LUM: variants seen among roughly 807,000 people sequenced by gnomAD.
LUM encodes the protein KSPG lumican.
Under a neutral mutation model 20.5 loss-of-function variants are expected in LUM, and 13 were observed. That is an observed-to-expected ratio of 0.63 (90% confidence interval 0.41 to 1.01). The LOEUF is 1.01. LUM is among the 50% of genes least tolerant of loss of function. The probability of loss-of-function intolerance (pLI) is 0.00; values close to 1 mark genes in which losing one functional copy is unlikely to be tolerated. For synonymous variants in LUM, 173 were observed against 151.5 expected (o/e 1.14, Z -1.04); for missense variants, 321 against 391.1 (o/e 0.82, Z 1.51).
At chr12:91,107,628 T>C (rs1460603808) in intron 2 of LUM, among the ~76,000 whole-genome samples, 3 of 152,234 alleles carry the variant, frequency 2.0e-5, no homozygotes, top group African/African-American at 7.2e-5. Flanking sequence ...TAATTGTTCC[T>C]TATCTGGATA....
chr12:91,105,374 T>C (rs1880007687), intron 2 of LUM, among the ~76,000 whole-genome samples: 1 of 152,036 alleles, frequency 6.6e-6, no homozygotes, highest in African/African-American at 2.4e-5. Context: ...TAGTACATAG[T>C]ATGTCCTAAA....
Position 91,104,180 on chromosome 12 carries a change from T to G in LUM, c.1002A>C (p.Glu334Asp). 6.2e-7 allele frequency: 1 copy of G among 1,612,246 alleles called. No homozygotes were observed. The highest frequency in any genetic ancestry group is 8.5e-7 in the Non-Finnish European group (1 of 1,178,772). ...GATACAGATATTAATTAAGAGTGACTTCGTTAGCAACACGTAGACATTCAT... is the reference window on the plus strand; with the variant it reads ...GATACAGATATTAATTAAGAGTGACGTCGTTAGCAACACGTAGACATTCAT... ...DMYECLRVAN[E>D]VTLN Residue 334 changes from glutamate to aspartate, a missense_variant, in exon 3 of 3, where the codon GAA becomes GAC. Coordinates refer to ENST00000266718, the MANE Select transcript of LUM (RefSeq NM_002345.4).
At chr12:91,106,278 T>C (rs754885110) in intron 2 of LUM, among the ~76,000 whole-genome samples, 3 of 152,228 alleles carry the variant, frequency 2.0e-5, no homozygotes, top group Non-Finnish European at 2.9e-5. Context: ...TTATTCAGCA[T>C]GGCCAGAAAA....
Position 91,104,082 on chromosome 12 carries a change from ATAAACAG to A in LUM, c.*76_*82del, listed in dbSNP as rs1879973525. 9.0e-7 allele frequency: 1 copy of A among 1,106,292 alleles called. No individual in the cohort carries two copies. Among genetic ancestry groups the A allele is most frequent in the African/African-American group, 1.6e-5 (1 of 63,726 alleles). The allele number at this position is 1,106,292 out of a possible 1,614,324, so 68.5% of individuals were successfully genotyped here. ...TCAGATTTTAAAATTCATGGAAGTA[ATAAACAG>A]TAATAAAATATGGATACTATGAAAA... On this transcript the variant is annotated 3_prime_UTR_variant, in exon 3 of 3. Coordinates refer to ENST00000266718, the MANE Select transcript of LUM (RefSeq NM_002345.4).
rs576247686 is a variant in LUM at position 91,111,411 on chromosome 12, C to T, written c.-35G>A. 2.6e-5 allele frequency: 4 copies of T among 152,196 alleles called. No individual in the cohort carries two copies. The South Asian group carries it at 8.3e-4, about 32-fold the overall frequency. The allele number at this position is 152,196 out of a possible 1,614,324, so 9.4% of individuals were successfully genotyped here. ...AACAGCACTTACCTTACTGTCTTGA[C>T]ACTGCTTTCGTTAATTCTTAAAGCA... On this transcript the variant is annotated 5_prime_UTR_variant, in exon 1 of 3. Transcript: ENST00000266718.
At chr12:91,105,858 A>G (rs1880018695) in intron 2 of LUM, among the ~76,000 whole-genome samples, 1 of 152,244 alleles carries the variant, frequency 6.6e-6, no homozygotes, top group East Asian at 1.9e-4. Context: ...AGAAAGAAGT[A>G]GCCCTGCTCT....
At chr12:91,105,639 C>T (rs1389855126) in intron 2 of LUM, among the ~76,000 whole-genome samples, 1 of 152,030 alleles carries the variant, frequency 6.6e-6, no homozygotes, top group Non-Finnish European at 1.5e-5. Context: ...AAGGAGAATA[C>T]CTGACTAAAT....
rs1005834830 is a variant in LUM, at chr12:91,103,904, C to T, written c.*261G>A. ...CATGCAACCAGTAAAAGGTTTTGCA[C>T]ATCATTTGACAGTAGAAATAAAAAA... On this transcript the variant is annotated 3_prime_UTR_variant, in exon 3 of 3. Transcript: ENST00000266718. 2 of 286,354 alleles carry T rather than the reference C, an allele frequency of 7.0e-6. No individual in the cohort carries two copies. Among genetic ancestry groups the T allele is most frequent in the African/African-American group, 4.5e-5 (2 of 44,656 alleles). The allele number at this position is 286,354 out of a possible 1,614,324, so 17.7% of individuals were successfully genotyped here. A position where few individuals can be genotyped will look rare whatever the true frequency, so the allele number is the denominator to read the frequency against.
intron 2 of LUM, among the ~76,000 whole-genome samples, chr12:91,106,124 A>G (rs1325492376): frequency 6.6e-6 from 1 of 152,202 alleles, no homozygotes; most frequent in Non-Finnish European, 1.5e-5. Flanking sequence ...CAGAAACAAC[A>G]AAGAACATGT....
rs1879972735 is a variant in LUM at position 91,104,045 on chromosome 12, A to C, written c.*120T>G. 1 of 843,818 alleles carries C rather than the reference A, an allele frequency of 1.2e-6. No individual in the cohort carries two copies. Among genetic ancestry groups the C allele is most frequent in the Admixed American group, 2.7e-5 (1 of 37,044 alleles). The allele number at this position is 843,818 out of a possible 1,614,324, so 52.3% of individuals were successfully genotyped here. A position where few individuals can be genotyped will look rare whatever the true frequency, so the allele number is the denominator to read the frequency against. On this transcript the variant is annotated 3_prime_UTR_variant, in exon 3 of 3. Coordinates refer to ENST00000266718, the MANE Select transcript of LUM (RefSeq NM_002345.4). The stretch of plus-strand genomic sequence containing the variant: ...TTCTTTAAAAAAAATAAATGTTTAC[A>C]AAACATTTCCCTCAGATTTTAAAAT...
chr12:91,110,242 G>A (rs993673593), intron 1 of LUM, among the ~76,000 whole-genome samples: 68 of 152,166 alleles, frequency 4.5e-4, no homozygotes, highest in Non-Finnish European at 1.0e-4. Context: ...ATCTTTCTAT[G>A]AAAGTATGAT....
rs1053508449 is a variant in LUM, at chr12:91,103,559, A to G, written c.*606T>C. ...GTCAAACACAGTGATGCCATTTGCT[A>G]TGTTTTATTTTGCTAGTAGCTTATT... On this transcript the variant is annotated 3_prime_UTR_variant, in exon 3 of 3. Transcript: ENST00000266718. 1.3e-5 allele frequency: 2 copies of G among 152,134 alleles called. No individual in the cohort carries two copies. The highest frequency in any genetic ancestry group is 4.8e-5 in the African/African-American group (2 of 41,444). The allele number at this position is 152,134 out of a possible 1,614,324, so 9.4% of individuals were successfully genotyped here.
In LUM at chr12:91,103,773, T is replaced by C. The variant is rs1187012600; in HGVS notation, c.*392A>G. The C allele has an allele frequency of 6.4e-6, 1 of 156,702 alleles. No homozygotes were observed. Among genetic ancestry groups the C allele is most frequent in the African/African-American group, 2.4e-5 (1 of 41,494 alleles). The allele number at this position is 156,702 out of a possible 1,614,324, so 9.7% of individuals were successfully genotyped here. On this transcript the variant is annotated 3_prime_UTR_variant, in exon 3 of 3. Coordinates refer to ENST00000266718, the MANE Select transcript of LUM (RefSeq NM_002345.4). ...CCACCTATTTTTTAACCAGACAAAT[T>C]TGAATGTATCAAGATAATTTGGTGC...
chr12:91,107,259 GAA>G (rs1208823752), intron 2 of LUM, among the ~76,000 whole-genome samples: 15 of 35,816 alleles, frequency 4.2e-4, no homozygotes, highest in Non-Finnish European at 5.7e-4. Flanking sequence ...AAGAAAGAAA[GAA>G]AGAAAGAAAG....
chr12:91,110,642 A>G (rs535584940), intron 1 of LUM, among the ~76,000 whole-genome samples: 130 of 152,334 alleles, frequency 8.5e-4, no homozygotes, highest in Non-Finnish European at 1.6e-3. Flanking sequence ...TATGGCAACT[A>G]TAATGTGAGT....
Position 91,104,039 on chromosome 12 carries a change from G to T in LUM, c.*126C>A. Reference sequence around the variant, plus strand: ...CATCTTTTCTTTAAAAAAAATAAATGTTTACAAAACATTTCCCTCAGATTT... The same window carrying T: ...CATCTTTTCTTTAAAAAAAATAAATTTTTACAAAACATTTCCCTCAGATTT... On this transcript the variant is annotated 3_prime_UTR_variant, in exon 3 of 3. Transcript: ENST00000266718. The T allele has an allele frequency of 1.3e-6, 1 of 783,888 alleles. No individual in the cohort carries two copies. The allele number at this position is 783,888 out of a possible 1,614,324, so 48.6% of individuals were successfully genotyped here. A position where few individuals can be genotyped will look rare whatever the true frequency, so the allele number is the denominator to read the frequency against.
Position 91,108,617 on chromosome 12 carries a change from C to T in LUM, c.363G>A (p.Leu121=). 6.2e-7 allele frequency: 1 copy of T among 1,613,630 alleles called. No individual in the cohort carries two copies. The highest frequency in any genetic ancestry group is 8.5e-7 in the Non-Finnish European group (1 of 1,179,872). ...CTGTCAGGTTGTTGTGGTTTATATG[C>T]AGCTTCTTCAGTTGTTTCAATTTAG... The part of the protein sequence containing the change: ...VFSKLKQLKK[L]HINHNNLTES... Residue 121 remains leucine, a synonymous_variant, in exon 2 of 3, where the codon CTG becomes CTA. Transcript: ENST00000266718. The surrounding 1 kb of genome is among the most constrained non-coding windows in gnomAD (Gnocchi z 4.2).
chr12:91,107,287 G>GAAAGAAAGAAAGAAAGAA (rs1426004605), intron 2 of LUM, among the ~76,000 whole-genome samples: 1 of 61,298 alleles, frequency 1.6e-5, no homozygotes, highest in African/African-American at 7.5e-5. Context: ...AAGAAAGAAA[G>GAAAGAAAGAAAGAAAGAA]AGAAAGAAAG....
chr12:91,108,645 A>G lies in LUM; in HGVS notation c.335T>C (p.Phe112Ser). 1 of 1,614,018 alleles carries G rather than the reference A, an allele frequency of 6.2e-7. No homozygotes were observed. The highest frequency in any genetic ancestry group is 8.5e-7 in the Non-Finnish European group (1 of 1,179,980). The change falls in exon 2 of 3, where the codon TTC becomes TCC. Residue 112 changes from phenylalanine to serine, a missense_variant. Phe to Ser is a radical substitution (Grantham distance 155). Transcript: ENST00000266718. This position sits in a 1 kb window ranked among gnomAD's most constrained non-coding sequence, Gnocchi z 4.2. ...CTTCTTCAGTTGTTTCAATTTAGAG[A>G]AAACTCTCCCTTTTATCTTGGAGTT... ...LENSKIKGRV[F>S]SKLKQLKKLH...
Sources: allele counts gnomAD v4.1 joint callset (sites outside exome capture counted in the v4.1 genomes callset), GRCh38; gene constraint gnomAD v4.1.1; non-coding constraint Gnocchi (gnomAD v3.1); transcripts MANE v1.5; gene names NCBI Gene and HGNC (gene_info 2026-07-23, HGNC 2026-07-21).